The following ZNF737 variants were observed in gnomAD, a reference collection of about 807,000 sequenced individuals.
The protein encoded by ZNF737 is zinc finger protein 737.
A neutral mutation model predicts 11.7 loss-of-function variants in ZNF737; 13 were observed. The ratio of observed to expected loss-of-function variants is 1.11; its 90% CI spans 0.73 to 1.77. The LOEUF (loss-of-function observed/expected upper bound fraction) is 1.77. Among genes scored for constraint, ZNF737 ranks in the 40% most tolerant of loss-of-function variants. ZNF737 has a pLI of 0.00. For synonymous variants in ZNF737, 217 were observed against 216.2 expected (o/e 1.00, Z -0.03); for missense variants, 636 against 638.0 (o/e 1.00, Z 0.03).
chr19:20,544,933 G>A lies in ZNF737; in HGVS notation c.1270C>T (p.Pro424Ser), dbSNP rs200133247. Residue 424 changes from proline to serine, a missense_variant, in exon 4 of 4, where the codon CCC becomes TCC. Pro to Ser is a moderately conservative substitution (Grantham distance 74). Coordinates refer to ENST00000427401, the MANE Select transcript of ZNF737 (RefSeq NM_001159293.2). ...TTGCCACATTCTTCACACTTGAAGG[G>A]TTGCTGTCCAGTATGGATTATCTTA... The part of the protein sequence containing the change: ...THKIIHTGQQ[P>S]FKCEECGKAF... 7.0e-4 allele frequency: 1,131 copies of A among 1,613,014 alleles called. 3 individuals carry two copies. The highest frequency in any genetic ancestry group is 3.5e-3 in the Middle Eastern group (21 of 6,058).
Position 20,565,695 on chromosome 19 carries a change from C to A in ZNF737, c.-55G>T, listed in dbSNP as rs1969273664. The A allele has an allele frequency of 7.4e-6, 12 of 1,613,224 alleles. No homozygotes were observed. Among genetic ancestry groups the A allele is most frequent in the Non-Finnish European group, 1.0e-5 (12 of 1,179,328 alleles). On this transcript the variant is annotated 5_prime_UTR_variant, in exon 1 of 4. Transcript: ENST00000427401. ...TTAGCTGTGGATCTCCCAATACCTG[C>A]AGGACACAGGGCCACAGAGGCTGGG...
chr19:20,532,644 C>T (rs56356615), downstream of ZNF737, among the ~76,000 whole-genome samples: 17,073 of 149,494 alleles, frequency 0.11, 1,876 homozygotes, highest in Non-Finnish European at 0.13. Context: ...CTTTAATAAC[C>T]TGGAACCTGG....
At chr19:20,553,489 G>A (rs1319819908) in intron 2 of ZNF737, among the ~76,000 whole-genome samples, 1 of 151,946 alleles carries the variant, frequency 6.6e-6, no homozygotes. Flanking sequence ...TGAACTCCTA[G>A]CCTCAGGTAA....
At chr19:20,535,995 A>C, downstream of ZNF737, 2 of 831,160 alleles carry the variant, frequency 2.4e-6, no homozygotes, top group South Asian at 1.1e-4. Context: ...TATTTTCCAC[A>C]TTTTCCTGTT....
downstream of ZNF737, among the ~76,000 whole-genome samples, chr19:20,537,658 AG>A (rs782454228): frequency 5.3e-5 from 8 of 149,866 alleles, no homozygotes; most frequent in Non-Finnish European, 1.0e-4. Flanking sequence ...CTGGGACTAC[AG>A]GTGCATGCCA....
At chr19:20,560,172 C>CAAAA (rs71172600) in intron 1 of ZNF737, among the ~76,000 whole-genome samples, 6 of 70,742 alleles carry the variant, frequency 8.5e-5, no homozygotes, top group African/African-American at 2.6e-4. Flanking sequence ...GACTCCGTCT[C>CAAAA]AAAAAAAAAA....
intron 1 of ZNF737, among the ~76,000 whole-genome samples, chr19:20,561,707 G>T (rs138255844): frequency 1.8e-4 from 26 of 148,182 alleles, no homozygotes; most frequent in African/African-American, 5.5e-4. Context: ...TGACACCACC[G>T]AGAGTCAACA....
chr19:20,538,032 T>C lies in ZNF737; in HGVS notation c.*6560A>G. The C allele has an allele frequency of 1.7e-5, 17 of 981,416 alleles. No homozygotes were observed. The highest frequency in any genetic ancestry group is 2.1e-5 in the Non-Finnish European group (17 of 826,328). The allele number at this position is 981,416 out of a possible 1,614,324, so 60.8% of individuals were successfully genotyped here. A position where few individuals can be genotyped will look rare whatever the true frequency, so the allele number is the denominator to read the frequency against. On this transcript the variant is annotated 3_prime_UTR_variant, in exon 4 of 4. Coordinates refer to ENST00000427401, the MANE Select transcript of ZNF737 (RefSeq NM_001159293.2). ...TTTATTATCATATGGAAGAAGTGTA[T>C]TAACCATGTTTTCAGTAATCACTCT...
chr19:20,530,356 G>T, the ZNF737 span, among the ~76,000 whole-genome samples: 56 of 146,288 alleles, frequency 3.8e-4, 5 homozygotes, highest in East Asian at 0.01. Context: ...GGCCGGGCGG[G>T]GGGCTGACCC....
Position 20,560,490 on chromosome 19 carries a change from A to C in ZNF737, c.3+5148T>G, listed in dbSNP as rs189009488. Among the ~76,000 whole-genome samples the C allele has an allele frequency of 8.7e-4, 132 of 152,214 alleles. 1 individual carries two copies. The highest frequency in any genetic ancestry group is 4.4e-3 in the South Asian group (21 of 4,816). The stretch of plus-strand genomic sequence containing the variant: ...CTGGAGACCATCATTCTTAGAAAAC[A>C]AATGCAGAGGCCTGGCGCAGTGGCT... On this transcript the variant is annotated intron_variant, in intron 1 of 3. Transcript: ENST00000427401.
chr19:20,530,469 G>C, the ZNF737 span, among the ~76,000 whole-genome samples: 1 of 149,272 alleles, frequency 6.7e-6, no homozygotes, highest in Non-Finnish European at 1.5e-5. Context: ...TCACTTCCCA[G>C]ATGGGGTGGC....
chr19:20,547,237 C>T (rs570907728), intron 3 of ZNF737, among the ~76,000 whole-genome samples: 2 of 151,898 alleles, frequency 1.3e-5, no homozygotes, highest in South Asian at 2.1e-4. Flanking sequence ...AAAAATTAGC[C>T]GGGCATGGTA....
In ZNF737 at chr19:20,541,061, G is replaced by C. The variant is rs1968185307; in HGVS notation, c.*3531C>G. ...GTTGTTTCTGGAGACAAAGTTGCCT[G>C]TGCTTTAATAGGCAGACTCTGGGGA... is the stretch of plus-strand genomic sequence containing the variant. On this transcript the variant is annotated 3_prime_UTR_variant, in exon 4 of 4. Transcript: ENST00000427401. 1 of 985,118 alleles carries C rather than the reference G, an allele frequency of 1.0e-6. No individual in the cohort carries two copies. The highest frequency in any genetic ancestry group is 1.7e-5 in the African/African-American group (1 of 57,210). 61.0% of individuals were successfully genotyped at this position (985,118 alleles called of 1,614,324 possible). A position where few individuals can be genotyped will look rare whatever the true frequency, so the allele number is the denominator to read the frequency against.
intron 1 of ZNF737, among the ~76,000 whole-genome samples, chr19:20,555,581 T>A (rs368313440): frequency 1.1e-4 from 16 of 152,332 alleles, no homozygotes; most frequent in African/African-American, 3.1e-4. Context: ...GACCACAGTT[T>A]TCCCCAATAG....
the ZNF737 span, among the ~76,000 whole-genome samples, chr19:20,530,716 C>T: frequency 2.7e-5 from 4 of 147,902 alleles, no homozygotes; most frequent in East Asian, 2.1e-4. Context: ...GGATGGCGGC[C>T]GGGCAGAGAC....
In ZNF737 at chr19:20,544,541, T is replaced by A. The variant is rs918709202; in HGVS notation, c.*51A>T. 6.5e-7 allele frequency: 1 copy of A among 1,544,026 alleles called. No homozygotes were observed. The highest frequency in any genetic ancestry group is 1.4e-5 in the African/African-American group (1 of 72,428). ...TTTCCCTCCAATATGAATTTTCTTA[T>A]GTGAAAAAAGCATAGTGGGATAGCT... On this transcript the variant is annotated 3_prime_UTR_variant, in exon 4 of 4. Coordinates refer to ENST00000427401, the MANE Select transcript of ZNF737 (RefSeq NM_001159293.2).
chr19:20,562,246 T>C (rs1969124447), intron 1 of ZNF737, among the ~76,000 whole-genome samples: 1 of 152,036 alleles, frequency 6.6e-6, no homozygotes, highest in Non-Finnish European at 1.5e-5. Context: ...CAATCTCAGC[T>C]CACTGCAACC....
intron 3 of ZNF737, among the ~76,000 whole-genome samples, chr19:20,548,981 C>CAAAAAAAAAACAG (rs66835154): frequency 1.1e-5 from 1 of 93,334 alleles, no homozygotes; most frequent in African/African-American, 4.0e-5. Flanking sequence ...AAAAAAAAAA[C>CAAAAAAAAAACAG]AATTATGTAT....
chr19:20,556,528 A>G (rs1356304389), intron 1 of ZNF737, among the ~76,000 whole-genome samples: 4 of 152,214 alleles, frequency 2.6e-5, no homozygotes, highest in Admixed American at 2.6e-4. Flanking sequence ...AGGTTTGAAA[A>G]GGGTCCATGA....
Sources: gnomAD v4.1 joint callset for allele counts (sites outside exome capture counted in the v4.1 genomes callset) on GRCh38, gnomAD v4.1.1 for gene constraint, MANE v1.5 for transcripts, NCBI Gene and HGNC (gene_info 2026-07-23, HGNC 2026-07-21) for gene names.